The following PPP3CA variants were observed in gnomAD, a reference collection of about 807,000 sequenced individuals.
PPP3CA encodes protein phosphatase 3 catalytic subunit alpha.
Under a neutral mutation model 66.5 loss-of-function variants are expected in PPP3CA, and 14 were observed. The ratio of observed to expected loss-of-function variants is 0.21; its 90% confidence interval spans 0.14 to 0.33. PPP3CA has a LOEUF of 0.33. PPP3CA is among the 10% of genes least tolerant of loss of function. The pLI is 1.00. For synonymous variants in PPP3CA, 232 were observed against 226.2 expected, an observed-to-expected ratio of 1.03 and a Z score of -0.23; for missense variants, 317 against 639.5, an observed-to-expected ratio of 0.50 and a Z score of 5.44.
chr4:101,088,191 C>T (rs931098912), intron 6 of PPP3CA, among the ~76,000 whole-genome samples: 3 of 152,068 alleles, frequency 2.0e-5, no homozygotes, highest in Non-Finnish European at 2.9e-5. Context: ...TTTATAATGA[C>T]GGCACTATTC....
intron 1 of PPP3CA, among the ~76,000 whole-genome samples, chr4:101,299,100 T>G (rs1283442465): frequency 7.0e-6 from 1 of 143,518 alleles, no homozygotes; most frequent in Non-Finnish European, 1.5e-5. Context: ...TCAAGTGCCA[T>G]ATATCGTTTT....
At chr4:101,127,338 T>C (rs2659543) in intron 2 of PPP3CA, among the ~76,000 whole-genome samples, 21,071 of 151,988 alleles carry the variant, frequency 0.14, 2,755 homozygotes, top group African/African-American at 0.34. Context: ...AATGTGACTA[T>C]ACTTAGAAAT....
intron 1 of PPP3CA, among the ~76,000 whole-genome samples, chr4:101,291,501 A>C (rs1305045875): frequency 6.6e-6 from 1 of 152,218 alleles, no homozygotes; most frequent in Non-Finnish European, 1.5e-5. Flanking sequence ...CCACTCTACC[A>C]GTCCACATCC....
At chr4:101,111,687 G>A (rs1040545365) in intron 2 of PPP3CA, among the ~76,000 whole-genome samples, 1 of 152,058 alleles carries the variant, frequency 6.6e-6, no homozygotes, top group African/African-American at 2.4e-5. Flanking sequence ...AGTGAACTTG[G>A]ACAATTTACT....
At chr4:101,267,251 C>A (rs747898338) in intron 1 of PPP3CA, among the ~76,000 whole-genome samples, 8 of 152,142 alleles carry the variant, frequency 5.3e-5, no homozygotes, top group Non-Finnish European at 1.2e-4. Context: ...AATGGCTCAT[C>A]TAAAAGTTGA....
chr4:101,270,266 C>T (rs1727296528), intron 1 of PPP3CA, among the ~76,000 whole-genome samples: 1 of 152,032 alleles, frequency 6.6e-6, no homozygotes, highest in South Asian at 2.1e-4. Flanking sequence ...GTGTGCATAC[C>T]ACCTTCACAA....
At chr4:101,198,222 T>G (rs1468117289) in intron 1 of PPP3CA, among the ~76,000 whole-genome samples, 1 of 152,206 alleles carries the variant, frequency 6.6e-6, no homozygotes, top group Non-Finnish European at 1.5e-5. Flanking sequence ...CTCTCCCTGC[T>G]TTTCCTCGCT....
intron 8 of PPP3CA, among the ~76,000 whole-genome samples, chr4:101,072,337 G>A (rs534853836): frequency 8.5e-5 from 13 of 152,128 alleles, no homozygotes; most frequent in African/African-American, 2.9e-4. Context: ...TTAGTGGATC[G>A]TTCACAAACA....
intron 1 of PPP3CA, among the ~76,000 whole-genome samples, chr4:101,281,895 C>T (rs548694465): frequency 9.9e-5 from 15 of 152,176 alleles, no homozygotes; most frequent in South Asian, 4.1e-4. Flanking sequence ...TACTAGTTGC[C>T]AAATGACAAA....
At chr4:101,248,970 C>T (rs1345207370) in intron 1 of PPP3CA, among the ~76,000 whole-genome samples, 7 of 151,314 alleles carry the variant, frequency 4.6e-5, no homozygotes, top group Admixed American at 4.6e-4. Flanking sequence ...ACCATCCTGG[C>T]TAACAAGGTG....
At chr4:101,195,056 T>C (rs1193834297) in intron 2 of PPP3CA, among the ~76,000 whole-genome samples, 1 of 151,968 alleles carries the variant, frequency 6.6e-6, no homozygotes, top group African/African-American at 2.4e-5. Flanking sequence ...GCAGATCACC[T>C]GAGGTCAGGA....
In PPP3CA at chr4:101,106,389, GAA is replaced by G. The variant is rs1190657439; in HGVS notation, c.384+2563_384+2564del. ...AAAAGAGAGAAAAGAAAGAAAGAAA[GAA>G]AGAAAGAAAGAAAGAAAGAAAGAAA... On this transcript the variant is annotated intron_variant, in intron 3 of 13. Coordinates refer to ENST00000394854, the MANE Select transcript of PPP3CA (RefSeq NM_000944.5). Among the ~76,000 whole-genome samples, 5 of 4,274 alleles carry G rather than the reference GAA, an allele frequency of 1.2e-3. 2 individuals are homozygous for G. The highest frequency in any genetic ancestry group is 3.5e-3 in the African/African-American group (5 of 1,420). The allele number at this position is 4,274 out of a possible 152,430, so 2.8% of individuals were successfully genotyped here. A position where few individuals can be genotyped will look rare whatever the true frequency, so the allele number is the denominator to read the frequency against.
At chr4:101,208,231 T>TCACA (rs3840151) in intron 1 of PPP3CA, among the ~76,000 whole-genome samples, 21 of 151,388 alleles carry the variant, frequency 1.4e-4, no homozygotes, top group Middle Eastern at 3.4e-3. Context: ...TGAAAAGTAA[T>TCACA]CACACACACA....
intron 1 of PPP3CA, among the ~76,000 whole-genome samples, chr4:101,229,979 T>C (rs1725908895): frequency 6.6e-6 from 1 of 151,660 alleles, no homozygotes; most frequent in South Asian, 2.1e-4. Context: ...TTTGGAACCA[T>C]TTATCACCAG....
intron 2 of PPP3CA, among the ~76,000 whole-genome samples, chr4:101,129,964 G>C (rs1722375654): frequency 6.6e-6 from 1 of 152,010 alleles, no homozygotes; most frequent in African/African-American, 2.4e-5. Flanking sequence ...AGCTAAAGAA[G>C]CATGTTTTAA....
chr4:101,193,245 T>G (rs1235614979), intron 2 of PPP3CA, among the ~76,000 whole-genome samples: 1 of 152,216 alleles, frequency 6.6e-6, no homozygotes, highest in Non-Finnish European at 1.5e-5. Flanking sequence ...TAATAAACAT[T>G]TCATTAAATT....
intron 1 of PPP3CA, among the ~76,000 whole-genome samples, chr4:101,326,265 A>C (rs1191468067): frequency 6.6e-6 from 1 of 152,210 alleles, no homozygotes; most frequent in African/African-American, 2.4e-5. Flanking sequence ...ATAATTTTTA[A>C]ATGTTCTGTT....
At chr4:101,283,029 T>G (rs1392502586) in intron 1 of PPP3CA, among the ~76,000 whole-genome samples, 1 of 152,210 alleles carries the variant, frequency 6.6e-6, no homozygotes, top group Non-Finnish European at 1.5e-5. Context: ...TAACACATTC[T>G]CAATCAAAGC....
intron 1 of PPP3CA, among the ~76,000 whole-genome samples, chr4:101,252,834 G>A (rs2850961): frequency 0.36 from 54,154 of 151,924 alleles, 10,852 homozygotes; most frequent in East Asian, 0.69. Flanking sequence ...TTTGATAGAC[G>A]GTTGCTCTCA....
Sources: gnomAD v4.1 joint callset for allele counts (sites outside exome capture counted in the v4.1 genomes callset) on GRCh38, gnomAD v4.1.1 for gene constraint, MANE v1.5 for transcripts, NCBI Gene and HGNC (gene_info 2026-07-23, HGNC 2026-07-21) for gene names.